AGMO: variants seen among roughly 807,000 people sequenced by gnomAD.
The protein encoded by AGMO is alkylglycerol monooxygenase.
In AGMO, 75 loss-of-function variants were observed where a neutral mutation model predicts 60.2. The ratio of observed to expected loss-of-function variants is 1.25; its 90% CI spans 1.03 to 1.51. The LOEUF (loss-of-function observed/expected upper bound fraction) is 1.51. AGMO is among the 40% of genes most tolerant of loss of function. The pLI is 0.00. For missense variants in AGMO, 763 were observed against 525.5 expected, an observed-to-expected ratio of 1.45 and a Z score of -4.42; for synonymous variants, 261 against 177.1, an observed-to-expected ratio of 1.47 and a Z score of -3.76.
intron 5 of AGMO, among the ~76,000 whole-genome samples, chr7:15,417,949 A>T (rs1005073059): frequency 6.6e-6 from 1 of 152,178 alleles, no homozygotes; most frequent in Non-Finnish European, 1.5e-5. Context: ...TGGTACAAAT[A>T]TTCATAAACC....
chr7:15,340,298 G>T (rs1231490336), intron 12 of AGMO, among the ~76,000 whole-genome samples: 1 of 152,178 alleles, frequency 6.6e-6, no homozygotes, highest in Non-Finnish European at 1.5e-5. Context: ...TCTAGTTGTG[G>T]TATCATATCA....
intron 12 of AGMO, among the ~76,000 whole-genome samples, chr7:15,244,598 G>A (rs1782686495): frequency 6.6e-6 from 1 of 152,004 alleles, no homozygotes; most frequent in Admixed American, 6.6e-5. Context: ...CTTCTTTTCT[G>A]ACTTAATCAA....
chr7:15,558,108 CT>C (rs1785199457), intron 2 of AGMO, among the ~76,000 whole-genome samples: 1 of 150,246 alleles, frequency 6.7e-6, no homozygotes, highest in Non-Finnish European at 1.5e-5. Context: ...AACTCTGTAC[CT>C]TTTTAAAATA....
chr7:15,328,231 G>A (rs1781404506), intron 12 of AGMO, among the ~76,000 whole-genome samples: 2 of 152,086 alleles, frequency 1.3e-5, no homozygotes, highest in South Asian at 4.1e-4. Flanking sequence ...CCAAGTAGCT[G>A]GGATTGCAGG....
At chr7:15,384,326 GTTTAT>G (rs560998651) in intron 10 of AGMO, among the ~76,000 whole-genome samples, 26 of 152,238 alleles carry the variant, frequency 1.7e-4, no homozygotes, top group Middle Eastern at 3.4e-3. Context: ...TATTTTTAAA[GTTTAT>G]TTTAATTACT....
rs11764059 is a variant in AGMO at position 15,333,650 on chromosome 7, C to T, written c.1263+31864G>A. ...AAAAAAATAAAAAGAATGTTTCTGC[C>T]TTGAGTTCAAACATTCAGTTGTAAA... On this transcript the variant is annotated intron_variant, in intron 12 of 12. Transcript: ENST00000342526. 1.0e-2 allele frequency among the ~76,000 whole-genome samples: 1,506 copies of T among 150,940 alleles called. 14 individuals are homozygous for T. Among genetic ancestry groups the T allele is most frequent in the Non-Finnish European group, 0.014 (944 of 67,626 alleles).
At chr7:15,205,113 T>C (rs1781407459) in intron 12 of AGMO, among the ~76,000 whole-genome samples, 1 of 152,156 alleles carries the variant, frequency 6.6e-6, no homozygotes, top group African/African-American at 2.4e-5. Context: ...AACCCTCAAA[T>C]TACAAAGAAA....
chr7:15,441,707 A>G (rs1781561670), intron 3 of AGMO, among the ~76,000 whole-genome samples: 1 of 152,148 alleles, frequency 6.6e-6, no homozygotes, highest in South Asian at 2.1e-4. Flanking sequence ...ACCATATTAT[A>G]TTTGGAACAA....
chr7:15,215,470 C>T (rs1422348436), intron 12 of AGMO, among the ~76,000 whole-genome samples: 2 of 151,778 alleles, frequency 1.3e-5, no homozygotes, highest in East Asian at 1.9e-4. Flanking sequence ...ATGAGTTTGG[C>T]GGCTGGGTCA....
At chr7:15,327,456 G>T (rs1286216274) in intron 12 of AGMO, among the ~76,000 whole-genome samples, 1 of 152,092 alleles carries the variant, frequency 6.6e-6, no homozygotes, top group East Asian at 1.9e-4. Flanking sequence ...CATCTTTCTG[G>T]AGCTTCATTC....
intron 3 of AGMO, among the ~76,000 whole-genome samples, chr7:15,495,217 T>G (rs1442052242): frequency 1.3e-5 from 2 of 152,184 alleles, no homozygotes; most frequent in Non-Finnish European, 2.9e-5. Flanking sequence ...CACCTTAAGC[T>G]CCAGGACTCA....
Position 15,297,236 on chromosome 7 carries a change from A to G in AGMO, c.1263+68278T>C, listed in dbSNP as rs142496032. ...TACGAAATCCCCCGAATCTACCATCAAAGACCAACCCTACTGACACAGAAC... is the reference window on the plus strand; with the variant it reads ...TACGAAATCCCCCGAATCTACCATCGAAGACCAACCCTACTGACACAGAAC... On this transcript the variant is annotated intron_variant, in intron 12 of 12. Transcript: ENST00000342526. 1.1e-4 allele frequency among the ~76,000 whole-genome samples: 16 copies of G among 152,310 alleles called. No individual in the cohort carries two copies. In the East Asian group the frequency reaches 2.9e-3, roughly 28 times the overall value.
At chr7:15,488,673 G>A (rs1782984131) in intron 3 of AGMO, among the ~76,000 whole-genome samples, 4 of 152,042 alleles carry the variant, frequency 2.6e-5, no homozygotes, top group Admixed American at 1.3e-4. Context: ...CAGATAGTAG[G>A]TACTTAAAAA....
intron 10 of AGMO, among the ~76,000 whole-genome samples, chr7:15,382,428 A>G (rs2128481791): frequency 1.3e-5 from 2 of 152,284 alleles, no homozygotes; most frequent in Middle Eastern, 3.4e-3. Flanking sequence ...GGTTAAATTC[A>G]TGACCTGATG....
At chr7:15,526,465 C>T (rs576288048) in intron 3 of AGMO, among the ~76,000 whole-genome samples, 1 of 152,124 alleles carries the variant, frequency 6.6e-6, no homozygotes, top group Non-Finnish European at 1.5e-5. Flanking sequence ...CAAGATATCT[C>T]GCCTTTTCTG....
chr7:15,308,041 C>T (rs369563390), intron 12 of AGMO, among the ~76,000 whole-genome samples: 3 of 152,222 alleles, frequency 2.0e-5, no homozygotes, highest in South Asian at 4.1e-4. Flanking sequence ...TACCTCCAGG[C>T]TTGCTGGTCC....
At chr7:15,122,787 A>G in the AGMO span, among the ~76,000 whole-genome samples, 1 of 152,036 alleles carries the variant, frequency 6.6e-6, no homozygotes, top group Non-Finnish European at 1.5e-5. Flanking sequence ...ATAAGCCACT[A>G]CCATGTCTAT....
chr7:15,368,646 G>A (rs1276484434), intron 10 of AGMO, among the ~76,000 whole-genome samples: 1 of 152,066 alleles, frequency 6.6e-6, no homozygotes, highest in Non-Finnish European at 1.5e-5. Flanking sequence ...TCAATTGATG[G>A]TCATGGTTAG....
chr7:15,545,479 C>G (rs898582117), intron 2 of AGMO, among the ~76,000 whole-genome samples: 1 of 151,878 alleles, frequency 6.6e-6, no homozygotes, highest in Non-Finnish European at 1.5e-5. Context: ...TTTATTTTCT[C>G]TTTCACACAC....
Sources: allele counts gnomAD v4.1 joint callset (sites outside exome capture counted in the v4.1 genomes callset), GRCh38; gene constraint gnomAD v4.1.1; transcripts MANE v1.5; gene names NCBI Gene and HGNC (gene_info 2026-07-23, HGNC 2026-07-21).